The following DNAH7 variants were observed in gnomAD, a reference collection of about 807,000 sequenced individuals.
DNAH7 encodes the protein dynein axonemal heavy chain 7.
Under a neutral mutation model 444.6 loss-of-function variants are expected in DNAH7, and 397 were observed. That is an observed-to-expected ratio of 0.89 (90% confidence interval 0.82 to 0.97). The LOEUF (loss-of-function observed/expected upper bound fraction) is 0.97. DNAH7 is among the 50% of genes least tolerant of loss of function. The pLI, the probability that DNAH7 is intolerant of heterozygous loss-of-function variation, is 0.00. For missense variants in DNAH7, 4,902 were observed against 4,800.8 expected, an observed-to-expected ratio of 1.02 and a Z score of -0.62; for synonymous variants, 1,636 against 1,624.4, an observed-to-expected ratio of 1.01 and a Z score of -0.17.
intron 54 of DNAH7, among the ~76,000 whole-genome samples, chr2:195,799,954 T>G (rs985505287): frequency 6.6e-6 from 1 of 152,168 alleles, no homozygotes; most frequent in Non-Finnish European, 1.5e-5. Context: ...GACAAAACTA[T>G]GTTGTGTAGA....
chr2:196,029,922 C>A (rs1695938208), intron 5 of DNAH7, among the ~76,000 whole-genome samples: 1 of 151,934 alleles, frequency 6.6e-6, no homozygotes, highest in South Asian at 2.1e-4. Flanking sequence ...GCATGAGCAT[C>A]CCTTTTTTAA....
At chr2:195,772,944 C>A (rs2105942716) in intron 60 of DNAH7, among the ~76,000 whole-genome samples, 1 of 152,220 alleles carries the variant, frequency 6.6e-6, no homozygotes, top group Admixed American at 6.5e-5. Flanking sequence ...CCACGCCTGG[C>A]TAATTTTTGT....
chr2:195,905,734 T>G (rs1026481363), intron 27 of DNAH7: 7 of 146,174 alleles, frequency 4.8e-5, no homozygotes, highest in East Asian at 3.9e-4. Flanking sequence ...AAATGGTGTG[T>G]TTTTTTTTAA....
At chr2:196,015,068 T>C (rs1694934104) in intron 9 of DNAH7, among the ~76,000 whole-genome samples, 2 of 152,180 alleles carry the variant, frequency 1.3e-5, no homozygotes, top group African/African-American at 4.8e-5. Flanking sequence ...GGTGCGTCTG[T>C]ACACTACTTA....
intron 12 of DNAH7, among the ~76,000 whole-genome samples, chr2:195,992,243 T>C (rs1289823226): frequency 6.6e-6 from 1 of 152,112 alleles, no homozygotes; most frequent in South Asian, 2.1e-4. Context: ...AACACAAAGC[T>C]CCCTCTCCCT....
intron 47 of DNAH7, 147 bp downstream of exon 47, chr2:195,844,855 G>A: frequency 6.4e-6 from 4 of 622,912 alleles, no homozygotes; most frequent in Non-Finnish European, 8.1e-6. Context: ...AATAAGAGAA[G>A]GAAGTGATTA....
intron 5 of DNAH7, among the ~76,000 whole-genome samples, chr2:196,037,795 G>T (rs1696488790): frequency 6.6e-6 from 1 of 152,070 alleles, no homozygotes; most frequent in Non-Finnish European, 1.5e-5. Flanking sequence ...GAGAAAAGAT[G>T]GGGAAAAGCA....
chr2:195,745,945 C>A (rs188197671), intron 63 of DNAH7, among the ~76,000 whole-genome samples: 1 of 152,156 alleles, frequency 6.6e-6, no homozygotes, highest in African/African-American at 2.4e-5. Context: ...CATCAACTAA[C>A]GAGCAAAATA....
At chr2:195,902,669 AATG>A (rs1686780930) in intron 27 of DNAH7, 1 of 152,184 alleles carries the variant, frequency 6.6e-6, no homozygotes, top group African/African-American at 2.4e-5. Flanking sequence ...GGTTGTGGAA[AATG>A]ATGAAGCAGA....
At chr2:195,908,056 G>A (rs1574733619) in intron 25 of DNAH7, among the ~76,000 whole-genome samples, 1 of 151,900 alleles carries the variant, frequency 6.6e-6, no homozygotes, top group East Asian at 1.9e-4. Context: ...ATACTAATAA[G>A]CAAATTTAAT....
At position 196,001,793 on chromosome 2, in the gene DNAH7, T is replaced by C; in HGVS notation, c.1055A>G (p.Asp352Gly). The C allele has an allele frequency of 6.2e-7, 1 of 1,613,320 alleles. No homozygotes were observed. Among genetic ancestry groups the C allele is most frequent in the Non-Finnish European group, 8.5e-7 (1 of 1,179,650 alleles). ...AAAAGATTCCAATTTGGCACTGCTG[T>C]CACCAGTTGGCAATTGCTTTTTTTT... ...GNKKKQLPTG[D>G]SSAKLESFFN... Residue 352 changes from aspartate (D) to glycine (G), a missense_variant, in exon 11 of 65, where the codon GAC (aspartate) becomes GGC (glycine). Transcript: ENST00000312428.
chr2:195,852,681 G>C (rs976437058), intron 46 of DNAH7, among the ~76,000 whole-genome samples: 1 of 152,148 alleles, frequency 6.6e-6, no homozygotes, highest in Non-Finnish European at 1.5e-5. Context: ...AACTCCTAGG[G>C]TTAGATGTTC....
At chr2:196,017,020 A>T (rs1253496900) in intron 9 of DNAH7, among the ~76,000 whole-genome samples, 1 of 152,044 alleles carries the variant, frequency 6.6e-6, no homozygotes, top group African/African-American at 2.4e-5. Context: ...TTTTAATTTT[A>T]TTTTGAGCTG....
intron 58 of DNAH7, among the ~76,000 whole-genome samples, chr2:195,780,775 A>T (rs889496195): frequency 4.0e-5 from 6 of 151,840 alleles, no homozygotes; most frequent in Non-Finnish European, 8.8e-5. Flanking sequence ...TATCTCAAAA[A>T]ATATATATAT....
intron 27 of DNAH7, chr2:195,904,330 T>C (rs1044166694): frequency 6.6e-6 from 1 of 150,480 alleles, no homozygotes; most frequent in Non-Finnish European, 1.5e-5. Flanking sequence ...TGACCATGAA[T>C]TTGTCAGACA....
rs186419830 is a variant in DNAH7, at chr2:195,777,077, T to C, written c.11064+723A>G. Among the ~76,000 whole-genome samples the C allele has an allele frequency of 5.6e-4, 85 of 152,288 alleles. 2 individuals carry two copies. The highest frequency in any genetic ancestry group is 3.6e-3 in the Admixed American group (55 of 15,292). On this transcript the variant is annotated intron_variant, in intron 59 of 64. Coordinates refer to ENST00000312428, the MANE Select transcript of DNAH7 (RefSeq NM_018897.3). ...TGCCCTTGGCTAGCATTAATCCTAG[T>C]GGAAGATGAGGTTAGGGTTGGGGGG...
rs143167079 is a variant in DNAH7 at position 195,776,169 on chromosome 2, C to T, written c.11065-186G>A. 5.0e-3 allele frequency among the ~76,000 whole-genome samples: 768 copies of T among 152,222 alleles called. 1 individual carries two copies. The highest frequency in any genetic ancestry group is 6.9e-3 in the Non-Finnish European group (470 of 68,022). The stretch of plus-strand genomic sequence containing the variant: ...TTAAAAAAAAATATGAACAGCTAGG[C>T]GCGGTGGCTCACGCCTGTAATCCCA... On this transcript the variant is annotated intron_variant, in intron 59 of 64. Transcript: ENST00000312428.
intron 58 of DNAH7, 28 bp downstream of exon 58, chr2:195,786,982 A>C: frequency 6.5e-7 from 1 of 1,539,176 alleles, no homozygotes; most frequent in East Asian, 2.3e-5. Flanking sequence ...CAACATAGGT[A>C]ATGTCCTTGC....
At chr2:195,836,845 A>G (rs1359766808) in intron 47 of DNAH7, among the ~76,000 whole-genome samples, 2 of 152,186 alleles carry the variant, frequency 1.3e-5, no homozygotes, top group African/African-American at 4.8e-5. Context: ...TATCACTTCC[A>G]CATTTTTTAG....
Sources: gnomAD v4.1 joint callset for allele counts (sites outside exome capture counted in the v4.1 genomes callset) on GRCh38, gnomAD v4.1.1 for gene constraint, MANE v1.5 for transcripts, NCBI Gene and HGNC (gene_info 2026-07-23, HGNC 2026-07-21) for gene names.